PASK: variants seen among roughly 807,000 people sequenced by gnomAD.
The protein encoded by PASK is PAS domain-containing serine/threonine-protein kinase.
PASK carries 110 observed loss-of-function variants against 121.0 expected under a neutral mutation model. That is an observed-to-expected ratio of 0.91 (90% confidence interval 0.78 to 1.06). The LOEUF (loss-of-function observed/expected upper bound fraction) is 1.06, where lower values mean the gene tolerates loss of function less well. Ranked by LOEUF, PASK falls within the 50% of genes least tolerant of loss-of-function variation. The pLI, the probability that PASK is intolerant of heterozygous loss-of-function variation, is 0.00. For synonymous variants in PASK, 686 were observed against 717.8 expected (o/e 0.96, Z 0.71); for missense variants, 1,643 against 1,702.3 (o/e 0.97, Z 0.61).
At position 241,112,139 on chromosome 2, in the gene PASK, A is replaced by G; in HGVS notation, c.3533+101T>C. On this transcript the variant is annotated intron_variant, in intron 15 of 17. Coordinates refer to ENST00000234040, the MANE Select transcript of PASK (RefSeq NM_015148.4). This position sits in a 1 kb window ranked among gnomAD's most constrained non-coding sequence, Gnocchi z 5.2. ...ACCCTGACCACTCAACACTCATCAC[A>G]AAGAGGCACAAAGGAAGCCATTTTC... 1 of 903,100 alleles carries G rather than the reference A, an allele frequency of 1.1e-6. No individual in the cohort carries two copies. The highest frequency in any genetic ancestry group is 1.8e-6 in the Non-Finnish European group (1 of 543,376). The allele number at this position is 903,100 out of a possible 1,614,324, so 55.9% of individuals were successfully genotyped here.
At chr2:241,120,439 G>A (rs1238617403) in intron 12 of PASK, among the ~76,000 whole-genome samples, 1 of 151,466 alleles carries the variant, frequency 6.6e-6, no homozygotes, top group Non-Finnish European at 1.5e-5. Flanking sequence ...GTTGCAGTGA[G>A]CCAAGATTGT....
At position 241,115,388 on chromosome 2, in the gene PASK, T is replaced by G. The variant is rs1238736296; in HGVS notation, c.3098A>C (p.Glu1033Ala). 2.5e-6 allele frequency: 4 copies of G among 1,613,774 alleles called. No individual in the cohort carries two copies. The highest frequency in any genetic ancestry group is 3.4e-6 in the Non-Finnish European group (4 of 1,179,816). ...AATCCAACAATCCTCCAAGACCTTC[T>G]CCTTCTTAATAAACTTCACCACCAC... Reference protein sequence around the residue: ...KEVVVKFIKKEKVLEDCWIED... With the variant: ...KEVVVKFIKKAKVLEDCWIED... Residue 1033 changes from glutamate to alanine, a missense_variant, in exon 13 of 18, where the codon GAG becomes GCG. Physicochemically the swap from Glu to Ala is moderately radical, Grantham distance 107 (BLOSUM62 -1). Around this residue, in one of 3 missense-constraint regions of PASK, gnomAD observed 453 missense variants for 511.2 expected, o/e 0.89. Coordinates refer to ENST00000234040, the MANE Select transcript of PASK (RefSeq NM_015148.4).
chr2:241,137,071 A>G lies in PASK; in HGVS notation c.1070T>C (p.Ile357Thr), dbSNP rs2066469234. The change falls in exon 7 of 18, where the codon ATC becomes ACC. Residue 357 changes from isoleucine to threonine, a missense_variant. By Grantham distance (89) the Ile-to-Thr change is moderately conservative. Transcript: ENST00000234040. ...CGCGAAGCTGTGGTTGATGCCGTGGATGGTCCCATCCGGCAGGAGGGTGAT... is the reference window on the plus strand; with the variant it reads ...CGCGAAGCTGTGGTTGATGCCGTGGGTGGTCCCATCCGGCAGGAGGGTGAT... ...GLITLLPDGT[I>T]HGINHSFALT... 3 of 1,613,524 alleles carry G rather than the reference A, an allele frequency of 1.9e-6. 1 individual carries two copies. The highest frequency in any genetic ancestry group is 1.3e-5 in the African/African-American group (1 of 75,028).
At chr2:241,118,914 T>C in intron 12 of PASK, 1 of 1,034,796 alleles carries the variant, frequency 9.7e-7, no homozygotes, top group African/African-American at 1.7e-5. Context: ...CGAGATCTTC[T>C]CATACAAGTC....
chr2:241,133,043 C>T lies in PASK; in HGVS notation c.1307-13G>A, dbSNP rs2066240786. ...TTAATCCTTGGATCTGGCAGCAACA[C>T]CAAAAAAGAGCGTTTGCTCTTCACA... On this transcript the variant is annotated splice_polypyrimidine_tract_variant and intron_variant, in intron 8 of 17. Coordinates refer to ENST00000234040, the MANE Select transcript of PASK (RefSeq NM_015148.4). 6.2e-7 allele frequency: 1 copy of T among 1,613,936 alleles called. No individual in the cohort carries two copies. The highest frequency in any genetic ancestry group is 8.5e-7 in the Non-Finnish European group (1 of 1,179,840).
At chr2:241,115,560 C>T (rs1383024975) in intron 12 of PASK, 147 bp from the exon 13 acceptor site, 521 of 833,634 alleles carry the variant, frequency 6.2e-4, no homozygotes, top group Admixed American at 1.8e-3. Flanking sequence ...CACCTGGTCC[C>T]CAAGCATCCC....
intron 1 of PASK, among the ~76,000 whole-genome samples, chr2:241,146,630 C>A (rs528907560): frequency 6.6e-6 from 1 of 152,142 alleles, no homozygotes; most frequent in Non-Finnish European, 1.5e-5. Flanking sequence ...AATCAAGTTA[C>A]GGAAGACAAT....
intron 11 of PASK, 132 bp downstream of exon 11, chr2:241,123,817 C>G (rs560389404): frequency 1.3e-6 from 1 of 759,072 alleles, no homozygotes; most frequent in South Asian, 1.7e-5. Context: ...AGACTCCGTC[C>G]CAGAAAAAAA....
rs762858750 is a variant in PASK, at chr2:241,127,456, G to C, written c.1464-5C>G. On this transcript the variant is annotated splice_region_variant and splice_polypyrimidine_tract_variant and intron_variant, in intron 9 of 17. Transcript: ENST00000234040. ...CCTTCTGGGACATTGTCCACCCTGG[G>C]GATAATGACATGGGTGACCATCATG... 3 of 1,611,892 alleles carry C rather than the reference G, an allele frequency of 1.9e-6. No individual in the cohort carries two copies. In the African/African-American group the frequency reaches 4.0e-5, roughly 22 times the overall value.
intron 8 of PASK, 85 bp downstream of exon 8, chr2:241,135,786 G>T: frequency 7.6e-7 from 1 of 1,321,200 alleles, no homozygotes; most frequent in Non-Finnish European, 1.1e-6. Context: ...AATAGCTCCT[G>T]CTCCTCCCAG....
chr2:241,142,757 G>A, intron 2 of PASK, 80 bp downstream of exon 2: 1 of 1,103,306 alleles, frequency 9.1e-7, no homozygotes, highest in Non-Finnish European at 1.4e-6. Context: ...TCCCTGGTGA[G>A]AGGGTTTCCA....
chr2:241,145,407 T>C (rs1380578201), intron 1 of PASK, among the ~76,000 whole-genome samples: 1 of 152,042 alleles, frequency 6.6e-6, no homozygotes, highest in Non-Finnish European at 1.5e-5. Context: ...GATAATTGCT[T>C]GAGCCCAGGG....
intron 12 of PASK, among the ~76,000 whole-genome samples, chr2:241,121,017 T>G (rs542724250): frequency 1.2e-3 from 185 of 152,336 alleles, no homozygotes; most frequent in African/African-American, 4.2e-3. Flanking sequence ...TACTTATACA[T>G]GCTGCAATAT....
At chr2:241,113,421 T>C (rs1156925833) in intron 14 of PASK, 1 of 127,218 alleles carries the variant, frequency 7.9e-6, no homozygotes, top group Non-Finnish European at 1.6e-5. Flanking sequence ...TATACATACC[T>C]GCATATTTAT....
intron 1 of PASK, among the ~76,000 whole-genome samples, chr2:241,148,910 T>TA (rs1226907392): frequency 6.6e-6 from 1 of 151,432 alleles, no homozygotes; most frequent in Non-Finnish European, 1.5e-5. Flanking sequence ...AAAGAAAAAT[T>TA]AGTGAAAAAA....
At chr2:241,132,420 G>A (rs1410706957) in intron 9 of PASK, among the ~76,000 whole-genome samples, 1 of 149,486 alleles carries the variant, frequency 6.7e-6, no homozygotes, top group Non-Finnish European at 1.5e-5. Flanking sequence ...GGGAGGCTGA[G>A]GCAGGAGAAT....
intron 1 of PASK, among the ~76,000 whole-genome samples, chr2:241,148,111 T>C (rs1311018440): frequency 6.6e-6 from 1 of 152,154 alleles, no homozygotes; most frequent in Non-Finnish European, 1.5e-5. Flanking sequence ...ATTTTTAAAA[T>C]TGTCCTTTGT....
At position 241,137,026 on chromosome 2, in the gene PASK, C is replaced by T; in HGVS notation, c.1115G>A (p.Gly372Glu). The T allele has an allele frequency of 6.2e-7, 1 of 1,613,432 alleles. No homozygotes were observed. The change falls in exon 7 of 18, where the codon GGA becomes GAA. Residue 372 changes from glycine (G) to glutamate (E), a missense_variant. Transcript: ENST00000234040. ...CACCTTGCCCAGGAGCTCCGTCTTTCCGTAACCAAACAGTGTCAGCGCGAA... is the reference window on the plus strand; with the variant it reads ...CACCTTGCCCAGGAGCTCCGTCTTTTCGTAACCAAACAGTGTCAGCGCGAA... ...HSFALTLFGY[G>E]KTELLGKNIT...
chr2:241,141,082 C>A (rs1175368284), intron 2 of PASK, among the ~76,000 whole-genome samples: 1 of 152,172 alleles, frequency 6.6e-6, no homozygotes, highest in East Asian at 1.9e-4. Flanking sequence ...GAGTTCAAGA[C>A]CAGCCTGGAC....
Sources: gnomAD v4.1 joint callset for allele counts (sites outside exome capture counted in the v4.1 genomes callset) on GRCh38, gnomAD v4.1.1 for gene constraint, gnomAD v4.1.1 regional missense constraint, Gnocchi (gnomAD v3.1) non-coding constraint, MANE v1.5 for transcripts, NCBI Gene and HGNC (gene_info 2026-07-23, HGNC 2026-07-21) for gene names.